Variants in EPHA5 observed in about 807,000 individuals in gnomAD.
EPHA5 encodes the protein ephrin type-A receptor 5.
In EPHA5, 60 loss-of-function variants were observed where a neutral mutation model predicts 105.0. The ratio of observed to expected loss-of-function variants is 0.57; its 90% CI spans 0.46 to 0.71. The LOEUF is 0.71. EPHA5 is among the 30% of genes least tolerant of loss of function. The probability of loss-of-function intolerance (pLI) is 0.00; values close to 1 mark genes in which losing one functional copy is unlikely to be tolerated. For synonymous variants in EPHA5, 513 were observed against 449.1 expected, an observed-to-expected ratio of 1.14 and a Z score of -1.80; for missense variants, 1,218 against 1,274.7, an observed-to-expected ratio of 0.96 and a Z score of 0.68.
At chr4:65,405,283 G>T (rs541829457) in intron 7 of EPHA5, among the ~76,000 whole-genome samples, 311 of 7,054 alleles carry the variant, frequency 0.044, 2 homozygotes, top group African/African-American at 0.048. Flanking sequence ...AAAATAAAAC[G>T]CCTTATAGGG....
intron 2 of EPHA5, among the ~76,000 whole-genome samples, chr4:65,632,229 A>T (rs1297867901): frequency 6.6e-6 from 1 of 152,130 alleles, no homozygotes; most frequent in Non-Finnish European, 1.5e-5. Context: ...GCCATTAAGG[A>T]TGCAAATATT....
intron 6 of EPHA5, among the ~76,000 whole-genome samples, chr4:65,417,925 A>T (rs1274775746): frequency 6.6e-6 from 1 of 152,094 alleles, no homozygotes; most frequent in East Asian, 1.9e-4. Flanking sequence ...CAAAAATATC[A>T]AAGGTTATTC....
intron 2 of EPHA5, among the ~76,000 whole-genome samples, chr4:65,608,256 C>T (rs1025279545): frequency 1.3e-5 from 2 of 152,144 alleles, no homozygotes; most frequent in Non-Finnish European, 1.5e-5. Flanking sequence ...GTAATCCCAG[C>T]ACTTTGGGAG....
chr4:65,570,096 C>T (rs1330786966), intron 3 of EPHA5, among the ~76,000 whole-genome samples: 1 of 151,678 alleles, frequency 6.6e-6, no homozygotes, highest in Non-Finnish European at 1.5e-5. Flanking sequence ...CACTGGGCAA[C>T]TTAGTAATTC....
chr4:65,505,980 C>T (rs1255672152), intron 3 of EPHA5, among the ~76,000 whole-genome samples: 1 of 152,096 alleles, frequency 6.6e-6, no homozygotes, highest in East Asian at 1.9e-4. Context: ...AGGTATATCT[C>T]CGAATGCTAT....
At chr4:65,413,187 C>G (rs1723076667) in intron 7 of EPHA5, among the ~76,000 whole-genome samples, 1 of 151,954 alleles carries the variant, frequency 6.6e-6, no homozygotes, top group Non-Finnish European at 1.5e-5. Context: ...AGAAAATTTT[C>G]TGAATAGCAT....
At chr4:65,366,706 G>A (rs964436566) in intron 9 of EPHA5, among the ~76,000 whole-genome samples, 8 of 151,846 alleles carry the variant, frequency 5.3e-5, no homozygotes, top group Non-Finnish European at 8.8e-5. Context: ...ATGAGTTATG[G>A]CTTTAATGAT....
At chr4:65,515,833 GCCAATGTGGCTAGACGTCAT>G (rs1734055214) in intron 3 of EPHA5, among the ~76,000 whole-genome samples, 1 of 152,090 alleles carries the variant, frequency 6.6e-6, no homozygotes, top group Non-Finnish European at 1.5e-5. Flanking sequence ...CATCACCCTT[GCCAATGTGGCTAGACGTCAT>G]CCAGTCCTTT....
rs189255109 is a variant in EPHA5, at chr4:65,415,128, T to C, written c.1528-685A>G. ...TGGGAACTGAAACAAAGAGGAACTT[T>C]TTATTTTGATGCCAACAAAAGTTTA... On this transcript the variant is annotated intron_variant, in intron 6 of 16. Transcript: ENST00000613740. Among the ~76,000 whole-genome samples, 29 of 152,274 alleles carry C rather than the reference T, an allele frequency of 1.9e-4. No individual in the cohort carries two copies. The East Asian group carries it at 5.4e-3, about 28-fold the overall frequency.
intron 2 of EPHA5, among the ~76,000 whole-genome samples, chr4:65,606,641 T>G (rs994585655): frequency 3.9e-5 from 6 of 152,246 alleles, no homozygotes; most frequent in African/African-American, 1.4e-4. Flanking sequence ...GCATTACATT[T>G]TACTAATTGT....
At chr4:65,463,978 G>C (rs933112898) in intron 5 of EPHA5, among the ~76,000 whole-genome samples, 2 of 151,596 alleles carry the variant, frequency 1.3e-5, no homozygotes, top group Non-Finnish European at 2.9e-5. Context: ...TTAAGACTAA[G>C]CATTTCTTCT....
intron 8 of EPHA5, among the ~76,000 whole-genome samples, chr4:65,400,817 C>T (rs1947291): frequency 0.8 from 121,647 of 152,008 alleles, 49,084 homozygotes; most frequent in South Asian, 0.92. Context: ...TCCTCTTAGA[C>T]CCAAATCATA....
chr4:65,477,129 T>C (rs1187692418), intron 5 of EPHA5, among the ~76,000 whole-genome samples: 1 of 152,172 alleles, frequency 6.6e-6, no homozygotes, highest in Non-Finnish European at 1.5e-5. Flanking sequence ...CAAATTGTTA[T>C]AGCACCTGTG....
chr4:65,399,618 A>C (rs933549300), intron 8 of EPHA5, among the ~76,000 whole-genome samples: 6 of 152,236 alleles, frequency 3.9e-5, no homozygotes, highest in African/African-American at 1.4e-4. Flanking sequence ...CTGTTTTTAA[A>C]ATTAACAAAA....
chr4:65,603,637 TCAGA>T (rs949155884), intron 2 of EPHA5, among the ~76,000 whole-genome samples: 2 of 152,118 alleles, frequency 1.3e-5, no homozygotes, highest in Admixed American at 1.3e-4. Context: ...AGCTGCAACA[TCAGA>T]CAGACATAAG....
Position 65,323,452 on chromosome 4 carries a change from T to G in EPHA5, c.*662A>C, listed in dbSNP as rs575450544. ...GCAAATTATACAGTATATACACATT[T>G]ATTACCTAATAATCTCTAGAAGAGC... is the stretch of plus-strand genomic sequence containing the variant. On this transcript the variant is annotated 3_prime_UTR_variant, in exon 17 of 17. Coordinates refer to ENST00000613740, the MANE Select transcript of EPHA5 (RefSeq NM_001281766.3). 8 of 230,162 alleles carry G rather than the reference T, an allele frequency of 3.5e-5. No individual in the cohort carries two copies. In the South Asian group the frequency reaches 1.5e-3, roughly 42 times the overall value. The allele number at this position is 230,162 out of a possible 1,614,324, so 14.3% of individuals were successfully genotyped here.
rs1255363671 is a variant in EPHA5, at chr4:65,418,721, CT to C, written c.1527+1719del. Among the ~76,000 whole-genome samples the C allele has an allele frequency of 2.0e-5, 3 of 152,052 alleles. No homozygotes were observed. The South Asian group carries it at 6.2e-4, about 32-fold the overall frequency. On this transcript the variant is annotated intron_variant, in intron 6 of 16. Coordinates refer to ENST00000613740, the MANE Select transcript of EPHA5 (RefSeq NM_001281766.3). Reference sequence around the variant, plus strand: ...AAAAACCTGTAAATATGTAGATAGCCTTTCTCCATCCCTCCCCATTGTTTTA... The same window carrying C: ...AAAAACCTGTAAATATGTAGATAGCCTTCTCCATCCCTCCCCATTGTTTTA...
chr4:65,380,653 T>A (rs570010145), intron 8 of EPHA5, among the ~76,000 whole-genome samples: 69 of 151,956 alleles, frequency 4.5e-4, no homozygotes, highest in African/African-American at 1.6e-3. Flanking sequence ...TTGAATTACA[T>A]AGAAAATATT....
chr4:65,550,764 AG>A (rs1434196182), intron 3 of EPHA5, among the ~76,000 whole-genome samples: 1 of 152,056 alleles, frequency 6.6e-6, no homozygotes, highest in Non-Finnish European at 1.5e-5. Context: ...TGAACCCAGG[AG>A]GGTGAGATTG....
Sources: allele counts gnomAD v4.1 joint callset (sites outside exome capture counted in the v4.1 genomes callset), GRCh38; gene constraint gnomAD v4.1.1; transcripts MANE v1.5; gene names NCBI Gene and HGNC (gene_info 2026-07-23, HGNC 2026-07-21).